Variants in CTNNBL1 observed in about 807,000 individuals in gnomAD.
The protein encoded by CTNNBL1 is catenin beta like 1.
Under a neutral mutation model 72.7 loss-of-function variants are expected in CTNNBL1, and 31 were observed. That is an observed-to-expected ratio of 0.43 (90% CI 0.32 to 0.58). CTNNBL1 has a LOEUF of 0.58. Among genes scored for constraint, CTNNBL1 ranks in the 20% least tolerant of loss-of-function variants. The pLI, the probability that CTNNBL1 is intolerant of heterozygous loss-of-function variation, is 0.08. For synonymous variants in CTNNBL1, 240 were observed against 267.3 expected (o/e 0.90, Z 1.00); for missense variants, 534 against 725.1 (o/e 0.74, Z 3.03).
chr20:37,852,249 T>C (rs995542825), intron 13 of CTNNBL1, among the ~76,000 whole-genome samples: 16 of 152,346 alleles, frequency 1.1e-4, no homozygotes, highest in African/African-American at 3.8e-4. Context: ...GTGAGAAATA[T>C]TTACGACACT....
intron 1 of CTNNBL1, among the ~76,000 whole-genome samples, chr20:37,703,307 G>T (rs2072859374): frequency 6.6e-6 from 1 of 152,098 alleles, no homozygotes; most frequent in Admixed American, 6.6e-5. Flanking sequence ...TCTGTTCCAG[G>T]TTTCTATCCA....
intron 10 of CTNNBL1, among the ~76,000 whole-genome samples, chr20:37,781,613 C>A (rs73290873): frequency 3.9e-4 from 60 of 152,170 alleles, no homozygotes; most frequent in African/African-American, 1.3e-3. Context: ...TTCCCATACT[C>A]TTTGTTCTGT....
chr20:37,857,586 C>A (rs2072454095), intron 13 of CTNNBL1, among the ~76,000 whole-genome samples: 1 of 152,022 alleles, frequency 6.6e-6, no homozygotes, highest in Non-Finnish European at 1.5e-5. Context: ...CAGGCTGGCC[C>A]CCTGGGCAAA....
intron 11 of CTNNBL1, among the ~76,000 whole-genome samples, 193 bp from the exon 12 acceptor site, chr20:37,839,909 A>G (rs911844833): frequency 1.2e-4 from 18 of 152,136 alleles, no homozygotes; most frequent in African/African-American, 4.1e-4. Flanking sequence ...TCTCTTTTGA[A>G]TATGTTTTTT....
chr20:37,831,523 G>A (rs1341878460), intron 11 of CTNNBL1, among the ~76,000 whole-genome samples: 5 of 151,858 alleles, frequency 3.3e-5, no homozygotes, highest in Admixed American at 6.6e-5. Flanking sequence ...CCGCCACCAC[G>A]CCCAGCTAAT....
chr20:37,770,522 T>A (rs1172153829), intron 7 of CTNNBL1, among the ~76,000 whole-genome samples: 2 of 152,304 alleles, frequency 1.3e-5, no homozygotes, highest in East Asian at 3.9e-4. Flanking sequence ...GATTCAGGGA[T>A]CTTCATTAAA....
At chr20:37,846,099 A>G (rs1282507739) in intron 13 of CTNNBL1, among the ~76,000 whole-genome samples, 2 of 152,194 alleles carry the variant, frequency 1.3e-5, no homozygotes, top group African/African-American at 2.4e-5. Flanking sequence ...TGCCAAGAAA[A>G]GAATGGGCCT....
intron 6 of CTNNBL1, among the ~76,000 whole-genome samples, chr20:37,766,970 G>A (rs553507830): frequency 1.3e-5 from 2 of 152,182 alleles, no homozygotes; most frequent in African/African-American, 4.8e-5. Context: ...ATCTCTCAGG[G>A]TTTCCTTGCT....
At chr20:37,829,128 G>A (rs561870972) in intron 11 of CTNNBL1, among the ~76,000 whole-genome samples, 12 of 152,138 alleles carry the variant, frequency 7.9e-5, no homozygotes, top group African/African-American at 2.7e-4. Flanking sequence ...GGGCAGGTGG[G>A]TGGCAAGGTT....
At chr20:37,733,556 C>T (rs892106012) in intron 2 of CTNNBL1, among the ~76,000 whole-genome samples, 2 of 152,158 alleles carry the variant, frequency 1.3e-5, no homozygotes, top group Admixed American at 6.5e-5. Context: ...CCTCAAGATG[C>T]GTTGGGGCCT....
chr20:37,802,606 T>C (rs1283793176), intron 10 of CTNNBL1, among the ~76,000 whole-genome samples: 1 of 152,250 alleles, frequency 6.6e-6, no homozygotes, highest in African/African-American at 2.4e-5. Flanking sequence ...GTCTCTTTCT[T>C]TCCAGTCACT....
At chr20:37,715,750 C>T (rs1210653305) in intron 1 of CTNNBL1, among the ~76,000 whole-genome samples, 1 of 152,156 alleles carries the variant, frequency 6.6e-6, no homozygotes, top group East Asian at 1.9e-4. Context: ...TGCTTTAACA[C>T]AGGTGTTATA....
chr20:37,777,608 A>G, intron 8 of CTNNBL1, 46 bp from the exon 9 acceptor site: 1 of 1,577,746 alleles, frequency 6.3e-7, no homozygotes, highest in East Asian at 2.2e-5. Flanking sequence ...GTAAAATCTG[A>G]CAGTTAGGTT....
intron 5 of CTNNBL1, among the ~76,000 whole-genome samples, chr20:37,762,930 AC>A (rs1482897965): frequency 6.6e-6 from 1 of 152,170 alleles, no homozygotes; most frequent in Non-Finnish European, 1.5e-5. Context: ...ATTATCCATA[AC>A]CATTCAGCTC....
At chr20:37,783,043 G>A (rs1224555794) in intron 10 of CTNNBL1, among the ~76,000 whole-genome samples, 1 of 152,044 alleles carries the variant, frequency 6.6e-6, no homozygotes, top group East Asian at 1.9e-4. Context: ...ACTCCCAAAG[G>A]TTCCCTTGCA....
intron 13 of CTNNBL1, among the ~76,000 whole-genome samples, chr20:37,852,690 C>G (rs1257790100): frequency 6.6e-6 from 1 of 152,188 alleles, no homozygotes; most frequent in Non-Finnish European, 1.5e-5. Context: ...CTCCTGCAGT[C>G]AGGGTGGGCA....
intron 6 of CTNNBL1, among the ~76,000 whole-genome samples, chr20:37,766,181 T>G (rs1283049533): frequency 1.3e-5 from 2 of 152,112 alleles, no homozygotes; most frequent in Non-Finnish European, 2.9e-5. Flanking sequence ...CACTCTGTAA[T>G]TTGGGTTGGC....
At chr20:37,864,503 C>T (rs2072519976) in intron 15 of CTNNBL1, among the ~76,000 whole-genome samples, 2 of 152,112 alleles carry the variant, frequency 1.3e-5, no homozygotes. Flanking sequence ...TTTTCTCCCT[C>T]CTCTATTGGG....
At chr20:37,803,118 G>A in intron 11 of CTNNBL1, 70 bp downstream of exon 11, 1 of 1,380,286 alleles carries the variant, frequency 7.2e-7, no homozygotes, top group Non-Finnish European at 1.0e-6. Flanking sequence ...GAACTACTTT[G>A]AAAAATTCTG....
Sources: gnomAD v4.1 joint callset for allele counts (sites outside exome capture counted in the v4.1 genomes callset) on GRCh38, gnomAD v4.1.1 for gene constraint, MANE v1.5 for transcripts, NCBI Gene and HGNC (gene_info 2026-07-23, HGNC 2026-07-21) for gene names.